Variants in WARS1 observed in about 807,000 individuals in gnomAD.
The protein encoded by WARS1 is tryptophanyl-tRNA synthetase 1.
WARS1 carries 17 observed loss-of-function variants against 47.8 expected under a neutral mutation model. The observed-to-expected ratio is 0.36, with a 90% CI of 0.24 to 0.53. WARS1 has a LOEUF of 0.53. Among genes scored for constraint, WARS1 ranks in the 20% least tolerant of loss-of-function variants. The pLI, the probability that WARS1 is intolerant of heterozygous loss-of-function variation, is 0.91. For missense variants in WARS1, 434 were observed against 608.0 expected, an observed-to-expected ratio of 0.71 and a Z score of 3.01; for synonymous variants, 208 against 228.1, an observed-to-expected ratio of 0.91 and a Z score of 0.79.
chr14:100,376,321 T>C (rs977737947), upstream of WARS1: 71 of 1,173,128 alleles, frequency 6.1e-5, no homozygotes, highest in Admixed American at 9.8e-4. Context: ...TGGGCGTCCG[T>C]GGAAACGCCG....
At chr14:100,356,616 A>G (rs1414233127) in intron 4 of WARS1, among the ~76,000 whole-genome samples, 3 of 152,224 alleles carry the variant, frequency 2.0e-5, no homozygotes, top group African/African-American at 7.2e-5. Context: ...AAATATACAC[A>G]GATCTGGAAC....
intron 10 of WARS1, among the ~76,000 whole-genome samples, chr14:100,335,888 T>C (rs1050246326): frequency 6.6e-6 from 1 of 152,170 alleles, no homozygotes; most frequent in Non-Finnish European, 1.5e-5. Flanking sequence ...CATTTAAACA[T>C]AGTTAACTCC....
intron 4 of WARS1, among the ~76,000 whole-genome samples, chr14:100,354,824 C>T (rs939655317): frequency 6.6e-6 from 1 of 151,782 alleles, no homozygotes; most frequent in Admixed American, 6.5e-5. Flanking sequence ...TATGCAGTTA[C>T]TGGGACTCCT....
intron 2 of WARS1, chr14:100,366,944 T>C (rs1896036136): frequency 2.5e-6 from 4 of 1,581,134 alleles, no homozygotes; most frequent in African/African-American, 2.7e-5. Context: ...GGAAGTATCA[T>C]AGTGGTTTCT....
chr14:100,372,402 G>A (rs1251297785), intron 1 of WARS1, among the ~76,000 whole-genome samples: 1 of 152,052 alleles, frequency 6.6e-6, no homozygotes, highest in African/African-American at 2.4e-5. Flanking sequence ...ACTGAAAACC[G>A]GGACAGGACA....
intron 6 of WARS1, among the ~76,000 whole-genome samples, chr14:100,347,687 C>T (rs901126522): frequency 6.6e-6 from 1 of 152,136 alleles, no homozygotes; most frequent in African/African-American, 2.4e-5. Flanking sequence ...AGCAATTCTC[C>T]TGCCTCAGCC....
At chr14:100,353,507 C>T (rs1895127508) in intron 6 of WARS1, among the ~76,000 whole-genome samples, 180 bp downstream of exon 6, 1 of 152,210 alleles carries the variant, frequency 6.6e-6, no homozygotes, top group Non-Finnish European at 1.5e-5. Flanking sequence ...CTCGGCCTCC[C>T]AAAGTGCTGG....
chr14:100,355,847 A>T (rs1329440911), intron 4 of WARS1, among the ~76,000 whole-genome samples: 1 of 152,174 alleles, frequency 6.6e-6, no homozygotes, highest in Non-Finnish European at 1.5e-5. Flanking sequence ...AAAGAAAATA[A>T]CCCATAATTT....
chr14:100,371,277 G>A (rs1229735287), intron 1 of WARS1, among the ~76,000 whole-genome samples: 14 of 147,622 alleles, frequency 9.5e-5, no homozygotes, highest in African/African-American at 3.0e-4. Flanking sequence ...GTGAAACCCC[G>A]TCTCAACTAA....
At chr14:100,358,056 A>G (rs551571430) in intron 4 of WARS1, among the ~76,000 whole-genome samples, 1 of 152,364 alleles carries the variant, frequency 6.6e-6, no homozygotes, top group East Asian at 1.9e-4. Flanking sequence ...AGAAATGGAA[A>G]AGCTGAAATT....
intron 2 of WARS1, among the ~76,000 whole-genome samples, chr14:100,363,776 G>T (rs1249783361): frequency 6.6e-6 from 1 of 152,078 alleles, no homozygotes; most frequent in Non-Finnish European, 1.5e-5. Context: ...GCAGGTGTGT[G>T]CCACCATGTC....
chr14:100,337,434 G>C (rs570946443), intron 9 of WARS1, among the ~76,000 whole-genome samples: 1 of 152,248 alleles, frequency 6.6e-6, no homozygotes, highest in Admixed American at 6.5e-5. Context: ...AGGAGAGGTG[G>C]GGGCAGATGA....
chr14:100,343,490 C>T, intron 7 of WARS1, 103 bp from the exon 8 acceptor site: 1 of 770,988 alleles, frequency 1.3e-6, no homozygotes, highest in Non-Finnish European at 2.0e-6. Context: ...ATAAAACAAT[C>T]ATTAAAATAA....
intron 10 of WARS1, among the ~76,000 whole-genome samples, chr14:100,335,967 T>C (rs1893692063): frequency 6.6e-6 from 1 of 152,116 alleles, no homozygotes; most frequent in Non-Finnish European, 1.5e-5. Flanking sequence ...ACTAAAACTT[T>C]TTTTTTTTTA....
chr14:100,344,129 C>T (rs1234527084), intron 7 of WARS1, among the ~76,000 whole-genome samples: 2 of 152,176 alleles, frequency 1.3e-5, no homozygotes, highest in Non-Finnish European at 2.9e-5. Flanking sequence ...CCCTCTGATG[C>T]GGAGCCAAAG....
rs774738389 is a variant in WARS1 at position 100,369,093 on chromosome 14, C to A, written c.93G>T (p.Ala31=). The A allele has an allele frequency of 6.4e-7, 1 of 1,550,548 alleles. No individual in the cohort carries two copies. Among genetic ancestry groups the A allele is most frequent in the East Asian group, 2.4e-5 (1 of 42,410 alleles). The change falls in exon 2 of 11, where the codon GCG becomes GCT. Residue 31 remains alanine, a synonymous_variant. Coordinates refer to ENST00000392882, the MANE Select transcript of WARS1 (RefSeq NM_004184.4). The stretch of plus-strand genomic sequence containing the variant: ...ACCCAGCAAAATCATGTACCTTTGA[C>A]GCATTTCCCGCTTTGAGGGACCTTA... The part of the protein sequence containing the change: ...ELVRSLKAGN[A]SKDEIDSAVK...
intron 4 of WARS1, among the ~76,000 whole-genome samples, chr14:100,356,558 A>T (rs1895338547): frequency 6.6e-6 from 1 of 152,212 alleles, no homozygotes. Context: ...GATGAAATAG[A>T]CAAATTCCTA....
chr14:100,360,607 G>A lies in WARS1; in HGVS notation c.369C>T (p.Ala123=). 6.2e-7 allele frequency: 1 copy of A among 1,613,904 alleles called. No individual in the cohort carries two copies. The highest frequency in any genetic ancestry group is 1.1e-5 in the South Asian group (1 of 91,072). ...DKELINRIER[A]TGQRPHHFLR... ...GGAAGTGGTGTGGTCTTTGGCCGGT[G>A]GCTCTCTCTATTCGGTTTATTAGCT... Residue 123 remains alanine (A), a synonymous_variant, in exon 4 of 11, where the codon GCC becomes GCT. Coordinates refer to ENST00000392882, the MANE Select transcript of WARS1 (RefSeq NM_004184.4).
At chr14:100,376,242 C>G, upstream of WARS1, 1 of 463,448 alleles carries the variant, frequency 2.2e-6, no homozygotes, top group East Asian at 4.2e-5. Context: ...CCGCCCCGGC[C>G]TTACTCCCCT....
Sources: gnomAD v4.1 joint callset for allele counts (sites outside exome capture counted in the v4.1 genomes callset) on GRCh38, gnomAD v4.1.1 for gene constraint, MANE v1.5 for transcripts, NCBI Gene and HGNC (gene_info 2026-07-23, HGNC 2026-07-21) for gene names.